The following NPAS3 variants were observed in gnomAD, a reference collection of about 807,000 sequenced individuals.
The protein encoded by NPAS3 is neuronal PAS domain-containing protein 3.
In NPAS3, 14 loss-of-function variants were observed where a neutral mutation model predicts 73.1. The observed-to-expected ratio is 0.19, with a 90% CI of 0.13 to 0.30. The LOEUF is 0.30. Among genes scored for constraint, NPAS3 ranks in the 10% least tolerant of loss-of-function variants. The probability of loss-of-function intolerance (pLI) is 1.00; values close to 1 mark genes in which losing one functional copy is unlikely to be tolerated. For synonymous variants in NPAS3, 620 were observed against 541.5 expected (o/e 1.14, Z -2.01); for missense variants, 1,096 against 1,250.0 (o/e 0.88, Z 1.86).
At chr14:33,151,279 A>T (rs1456860931) in intron 2 of NPAS3, among the ~76,000 whole-genome samples, 1 of 152,194 alleles carries the variant, frequency 6.6e-6, no homozygotes, top group East Asian at 1.9e-4. Flanking sequence ...CTAGTTGAGA[A>T]AGTAACCCAG....
chr14:33,423,417 T>C (rs1436350379), intron 4 of NPAS3, among the ~76,000 whole-genome samples: 1 of 152,016 alleles, frequency 6.6e-6, no homozygotes, highest in Non-Finnish European at 1.5e-5. Flanking sequence ...TTTACCCAAA[T>C]ATACCTTGCT....
At chr14:33,095,626 A>G (rs1272389743) in intron 2 of NPAS3, among the ~76,000 whole-genome samples, 5 of 151,520 alleles carry the variant, frequency 3.3e-5, no homozygotes, top group Non-Finnish European at 7.4e-5. Flanking sequence ...AAAGCAAATA[A>G]AGCCTTACAC....
intron 3 of NPAS3, among the ~76,000 whole-genome samples, chr14:33,236,090 G>A (rs1390652597): frequency 6.6e-6 from 1 of 151,726 alleles, no homozygotes; most frequent in Non-Finnish European, 1.5e-5. Context: ...CCAGCCCCAG[G>A]GTTCAAAGTG....
intron 9 of NPAS3, among the ~76,000 whole-genome samples, chr14:33,790,418 C>T (rs891932353): frequency 5.3e-5 from 8 of 152,196 alleles, no homozygotes; most frequent in African/African-American, 1.7e-4. Context: ...TTATTACACA[C>T]TAAAAATCCT....
intron 3 of NPAS3, among the ~76,000 whole-genome samples, chr14:33,308,509 TTTA>T (rs373651442): frequency 1.5e-5 from 1 of 64,760 alleles, no homozygotes; most frequent in African/African-American, 8.5e-5. Context: ...TATTGCATAG[TTTA>T]TATATATATA....
intron 9 of NPAS3, among the ~76,000 whole-genome samples, chr14:33,783,577 C>G (rs1416703331): frequency 3.4e-5 from 4 of 118,388 alleles, no homozygotes; most frequent in African/African-American, 1.4e-4. Flanking sequence ...ATTATTTTGT[C>G]TTAGTTTTTT....
chr14:33,182,231 A>G (rs757411792), intron 2 of NPAS3, among the ~76,000 whole-genome samples: 2 of 152,192 alleles, frequency 1.3e-5, no homozygotes, highest in Non-Finnish European at 2.9e-5. Context: ...CTGTGCATTT[A>G]AATGTAATAG....
At chr14:33,451,834 A>G (rs1173761082) in intron 4 of NPAS3, among the ~76,000 whole-genome samples, 2 of 152,176 alleles carry the variant, frequency 1.3e-5, no homozygotes, top group African/African-American at 2.4e-5. Context: ...CTATAGCAAG[A>G]TTCTTAAACT....
chr14:32,984,312 A>G (rs1210074409), intron 1 of NPAS3, among the ~76,000 whole-genome samples: 1 of 152,198 alleles, frequency 6.6e-6, no homozygotes, highest in African/African-American at 2.4e-5. Flanking sequence ...TTCCACTTAG[A>G]TTGGAGCAAT....
At chr14:32,937,992 C>T (rs1338897366), upstream of NPAS3, among the ~76,000 whole-genome samples, 1 of 152,138 alleles carries the variant, frequency 6.6e-6, no homozygotes, top group African/African-American at 2.4e-5. Context: ...ACTGTCAAAC[C>T]GGGGTGCGGC....
chr14:32,951,667 A>G (rs923486668), intron 1 of NPAS3, among the ~76,000 whole-genome samples: 9 of 152,142 alleles, frequency 5.9e-5, no homozygotes, highest in African/African-American at 2.2e-4. Flanking sequence ...ATGATATACA[A>G]TGAAGAAGGA....
In NPAS3 at chr14:33,774,351, A is replaced by G. The variant is rs750214894; in HGVS notation, c.867A>G (p.Thr289=). The change falls in exon 8 of 12, where the codon ACA becomes ACG. Residue 289 remains threonine (T), a synonymous_variant. Transcript: ENST00000356141. ...TTGTTTTACAGGTGATTCACATAAC[A>G]GGCCGGCTACGCCTGAGAGTGTCGC... is the stretch of plus-strand genomic sequence containing the variant. 2.8e-5 allele frequency: 45 copies of G among 1,613,622 alleles called. 1 individual carries two copies. In the East Asian group the frequency reaches 1.0e-3, roughly 36 times the overall value.
At chr14:33,497,169 C>T (rs1381854899) in intron 4 of NPAS3, among the ~76,000 whole-genome samples, 1 of 152,054 alleles carries the variant, frequency 6.6e-6, no homozygotes, top group Non-Finnish European at 1.5e-5. Flanking sequence ...TCAAGGAGAA[C>T]TACAAACCAC....
At chr14:32,937,284 G>T (rs901921548), upstream of NPAS3, among the ~76,000 whole-genome samples, 1 of 152,084 alleles carries the variant, frequency 6.6e-6, no homozygotes, top group Non-Finnish European at 1.5e-5. Context: ...TAAGTGAATG[G>T]TGACATATCA....
intron 1 of NPAS3, among the ~76,000 whole-genome samples, chr14:33,053,061 A>G (rs2040765744): frequency 6.6e-6 from 1 of 152,132 alleles, no homozygotes; most frequent in Non-Finnish European, 1.5e-5. Context: ...GGAGTTTTTG[A>G]CAGGTGTAAT....
At chr14:33,289,159 G>C (rs769496939) in intron 3 of NPAS3, among the ~76,000 whole-genome samples, 1 of 152,112 alleles carries the variant, frequency 6.6e-6, no homozygotes, top group Admixed American at 6.5e-5. Context: ...CAAGAGGCAC[G>C]CATTTTTATC....
rs144232104 is a variant in NPAS3 at position 33,745,570 on chromosome 14, A to G, written c.852+10238A>G. 1.1e-4 allele frequency among the ~76,000 whole-genome samples: 17 copies of G among 152,324 alleles called. No individual in the cohort carries two copies. In the East Asian group the frequency reaches 3.3e-3, roughly 29 times the overall value. ...AATGCCTGGCCCATAGTGAACACATACAATCCATGTCTACATGTGAAATTT... is the reference window on the plus strand; with the variant it reads ...AATGCCTGGCCCATAGTGAACACATGCAATCCATGTCTACATGTGAAATTT... On this transcript the variant is annotated intron_variant, in intron 7 of 11. Coordinates refer to ENST00000356141, the Ensembl canonical transcript of NPAS3.
At chr14:33,077,308 T>TA (rs1245886251) in intron 2 of NPAS3, among the ~76,000 whole-genome samples, 1 of 152,186 alleles carries the variant, frequency 6.6e-6, no homozygotes, top group African/African-American at 2.4e-5. Flanking sequence ...GGGAGTGAGC[T>TA]ATGTGGATAC....
In NPAS3 at chr14:33,369,420, A is replaced by G. The variant is rs2045985639; in HGVS notation, c.468+2152A>G. Reference sequence around the variant, plus strand: ...CCTCATTTCCAAAAAAAAAAAAAAAAAAAAAAAGGATTAAACATATTCTGT... The same window carrying G: ...CCTCATTTCCAAAAAAAAAAAAAAAGAAAAAAAGGATTAAACATATTCTGT... On this transcript the variant is annotated intron_variant, in intron 4 of 11. Coordinates refer to ENST00000356141, the Ensembl canonical transcript of NPAS3. Among the ~76,000 whole-genome samples the G allele has an allele frequency of 4.6e-5, 7 of 150,912 alleles. 1 individual carries two copies. The South Asian group carries it at 1.5e-3, about 32-fold the overall frequency.
Sources: gnomAD v4.1 joint callset for allele counts (sites outside exome capture counted in the v4.1 genomes callset) on GRCh38, gnomAD v4.1.1 for gene constraint, MANE v1.5 for transcripts, NCBI Gene and HGNC (gene_info 2026-07-23, HGNC 2026-07-21) for gene names.